ADAMTS5: variants seen among roughly 807,000 people sequenced by gnomAD.
ADAMTS5 encodes the protein ADAM metallopeptidase with thrombospondin type 1 motif 5.
A neutral mutation model predicts 81.4 loss-of-function variants in ADAMTS5; 54 were observed. The ratio of observed to expected loss-of-function variants is 0.66; its 90% CI spans 0.53 to 0.83. The LOEUF is 0.83. Among genes scored for constraint, ADAMTS5 ranks in the 40% least tolerant of loss-of-function variants. The pLI is 0.00. For synonymous variants in ADAMTS5, 532 were observed against 508.8 expected (o/e 1.05, Z -0.61); for missense variants, 1,194 against 1,229.9 (o/e 0.97, Z 0.44).
chr21:26,962,239 T>C (rs1987543602), intron 1 of ADAMTS5, among the ~76,000 whole-genome samples: 1 of 152,182 alleles, frequency 6.6e-6, no homozygotes, highest in East Asian at 1.9e-4. Flanking sequence ...AGAGTTTGTC[T>C]TTGAAGAAAT....
chr21:26,958,459 C>T (rs1281835265), intron 1 of ADAMTS5, among the ~76,000 whole-genome samples: 1 of 151,972 alleles, frequency 6.6e-6, no homozygotes, highest in Admixed American at 6.6e-5. Context: ...TCCAGCAGTC[C>T]CCAATAATAG....
rs191624953 is a variant in ADAMTS5 at position 26,944,619 on chromosome 21, C to T, written c.1238-1072G>A. Among the ~76,000 whole-genome samples, 10 of 152,152 alleles carry T rather than the reference C, an allele frequency of 6.6e-5. No individual in the cohort carries two copies. The East Asian group carries it at 1.9e-3, about 29-fold the overall frequency. Reference sequence around the variant, plus strand: ...CATCCTAGTGGTGTTTTTAACAAAGCTTTCTAGAATCATACACAAACCACT... The same window carrying T: ...CATCCTAGTGGTGTTTTTAACAAAGTTTTCTAGAATCATACACAAACCACT... On this transcript the variant is annotated intron_variant, in intron 2 of 7. Coordinates refer to ENST00000284987, the MANE Select transcript of ADAMTS5 (RefSeq NM_007038.5).
chr21:26,953,161 T>A (rs1013701148), intron 2 of ADAMTS5, among the ~76,000 whole-genome samples: 2 of 152,182 alleles, frequency 1.3e-5, no homozygotes, highest in Admixed American at 6.5e-5. Flanking sequence ...CAGCCATGCC[T>A]CCTCATTAGC....
intron 1 of ADAMTS5, among the ~76,000 whole-genome samples, chr21:26,957,255 C>A (rs1050144828): frequency 2.6e-5 from 4 of 152,110 alleles, no homozygotes; most frequent in African/African-American, 9.7e-5. Flanking sequence ...TAGGTGTAAA[C>A]CTTATTTGAA....
intron 1 of ADAMTS5, among the ~76,000 whole-genome samples, chr21:26,957,861 C>A (rs956001516): frequency 2.4e-4 from 36 of 152,112 alleles, no homozygotes; most frequent in African/African-American, 8.5e-4. Context: ...GACACTGTGA[C>A]CATTCACCAG....
intron 3 of ADAMTS5, among the ~76,000 whole-genome samples, chr21:26,937,136 T>A (rs1987029971): frequency 6.6e-6 from 1 of 152,228 alleles, no homozygotes; most frequent in Non-Finnish European, 1.5e-5. Context: ...CACCTGACTA[T>A]GCATACACAG....
rs763623130 is a variant in ADAMTS5, at chr21:26,965,722, C to T, written c.670G>A (p.Ala224Thr). ...GCGCGTCCGCTCGGGTTGCTGTGCG[C>T]CGGAGCATGCTCGTGGGCCTCCGGT... The part of the protein sequence containing the change: ...STPEAHEHAP[A>T]HSNPSGRAAL... The change falls in exon 1 of 8, where the codon GCG becomes ACG. Residue 224 changes from alanine to threonine, a missense_variant. Physicochemically the swap from Ala to Thr is moderately conservative, Grantham distance 58. Coordinates refer to ENST00000284987, the MANE Select transcript of ADAMTS5 (RefSeq NM_007038.5). 50 of 1,588,772 alleles carry T rather than the reference C, an allele frequency of 3.1e-5. No homozygotes were observed. The East Asian group carries it at 1.2e-3, about 37-fold the overall frequency.
intron 1 of ADAMTS5, among the ~76,000 whole-genome samples, chr21:26,959,299 C>T (rs1394285738): frequency 6.6e-6 from 1 of 152,184 alleles, no homozygotes; most frequent in Non-Finnish European, 1.5e-5. Context: ...TCATCATTAA[C>T]ATCAGGAGTT....
chr21:26,958,986 G>C (rs1601019785), intron 1 of ADAMTS5, among the ~76,000 whole-genome samples: 1 of 152,212 alleles, frequency 6.6e-6, no homozygotes, highest in East Asian at 1.9e-4. Flanking sequence ...ATGACAAGAA[G>C]TTTGTTTTGG....
At position 26,966,336 on chromosome 21, in the gene ADAMTS5, G is replaced by T; in HGVS notation, c.56C>A (p.Ala19Glu). The T allele has an allele frequency of 6.6e-7, 1 of 1,505,334 alleles. No individual in the cohort carries two copies. Among genetic ancestry groups the T allele is most frequent in the Non-Finnish European group, 8.8e-7 (1 of 1,135,628 alleles). 93.2% of individuals were successfully genotyped at this position (1,505,334 alleles called of 1,614,324 possible). A position where few individuals can be genotyped will look rare whatever the true frequency, so the allele number is the denominator to read the frequency against. The change falls in exon 1 of 8, where the codon GCG becomes GAG. Residue 19 changes from alanine (A) to glutamate (E), a missense_variant. Around this residue, in one of 2 missense-constraint regions of ADAMTS5, gnomAD observed 498 missense variants for 412.3 expected, o/e 1.21. Coordinates refer to ENST00000284987, the MANE Select transcript of ADAMTS5 (RefSeq NM_007038.5). ...LLCAFRLPLA[A>E]VGPAATPAQD... ...GGCAGGTGTCGCGGCGGGGCCGACC[G>T]CGGCCAGGGGCAGGCGGAACGCGCA...
chr21:26,949,536 A>G (rs1174296841), intron 2 of ADAMTS5, among the ~76,000 whole-genome samples: 1 of 152,092 alleles, frequency 6.6e-6, no homozygotes, highest in Non-Finnish European at 1.5e-5. Flanking sequence ...AACTTCCTAA[A>G]CATAAAAGAA....
chr21:26,924,673 G>GA (rs1206506961), intron 7 of ADAMTS5, 53 bp from the exon 8 acceptor site: 4 of 1,392,988 alleles, frequency 2.9e-6, no homozygotes, highest in South Asian at 1.4e-5. Context: ...AAAAAAGGGA[G>GA]AAAAAAATGA....
chr21:26,934,736 C>T lies in ADAMTS5; in HGVS notation c.1419G>A (p.Leu473=). 1 of 1,613,972 alleles carries T rather than the reference C, an allele frequency of 6.2e-7. No individual in the cohort carries two copies. Among genetic ancestry groups the T allele is most frequent in the Non-Finnish European group, 8.5e-7 (1 of 1,179,870 alleles). Residue 473 remains leucine, a synonymous_variant, in exon 4 of 8, where the codon CTG becomes CTA. Coordinates refer to ENST00000284987, the MANE Select transcript of ADAMTS5 (RefSeq NM_007038.5). ...FLDDGHGNCL[L]DLPRKQILGP... is the part of the protein sequence containing the mutation. ...CCAGGATCTGCTTTCGTGGTAGGTCCAGCAAACAGTTACCTACAAGAATAA... is the reference window on the plus strand; with the variant it reads ...CCAGGATCTGCTTTCGTGGTAGGTCTAGCAAACAGTTACCTACAAGAATAA...
intron 2 of ADAMTS5, among the ~76,000 whole-genome samples, chr21:26,953,108 G>A (rs930095565): frequency 6.6e-6 from 1 of 152,212 alleles, no homozygotes; most frequent in African/African-American, 2.4e-5. Context: ...GTGTTATAAA[G>A]ACGCTTTCAG....
intron 2 of ADAMTS5, among the ~76,000 whole-genome samples, chr21:26,951,538 G>T (rs143696586): frequency 5.6e-4 from 85 of 151,848 alleles, no homozygotes; most frequent in Middle Eastern, 3.4e-3. Flanking sequence ...AATCAGCCAG[G>T]TGTGGTGGTT....
intron 2 of ADAMTS5, among the ~76,000 whole-genome samples, chr21:26,947,886 TTAA>T (rs1297993261): frequency 6.6e-6 from 1 of 152,224 alleles, no homozygotes; most frequent in Admixed American, 6.5e-5. Flanking sequence ...TTTATTTGAA[TTAA>T]TCTAAGAAAT....
At position 26,965,475 on chromosome 21, in the gene ADAMTS5, C is replaced by G; in HGVS notation, c.917G>C (p.Ser306Thr). 6.2e-7 allele frequency: 1 copy of G among 1,614,256 alleles called. No homozygotes were observed. The highest frequency in any genetic ancestry group is 8.5e-7 in the Non-Finnish European group (1 of 1,180,044). ...GGCCAGGCGGATGTGGTTCTCGATG[C>G]TAGCATGGCTGTACAGCCTATTGGC... ...SIANRLYSHASIENHIRLAVV... is the reference protein window; with the variant it reads ...SIANRLYSHATIENHIRLAVV... Residue 306 changes from serine (S) to threonine (T), a missense_variant, in exon 1 of 8, where the codon AGC (serine) becomes ACC (threonine). By Grantham distance (58) the Ser-to-Thr change is moderately conservative. This residue lies in a region of ADAMTS5 where 696 missense variants were observed against 817.6 expected (regional missense o/e 0.85). Transcript: ENST00000284987.
At chr21:26,928,552 T>G (rs1986844761) in intron 7 of ADAMTS5, among the ~76,000 whole-genome samples, 1 of 152,196 alleles carries the variant, frequency 6.6e-6, no homozygotes. Context: ...GTATTACTTT[T>G]TAAAAGTAGT....
intron 7 of ADAMTS5, among the ~76,000 whole-genome samples, chr21:26,926,588 G>T (rs1002645782): frequency 6.6e-6 from 1 of 151,360 alleles, no homozygotes; most frequent in African/African-American, 2.4e-5. Flanking sequence ...CAGGAGAATC[G>T]CTTGAACCTG....
Sources: gnomAD v4.1 joint callset for allele counts (sites outside exome capture counted in the v4.1 genomes callset) on GRCh38, gnomAD v4.1.1 for gene constraint, gnomAD v4.1.1 regional missense constraint, MANE v1.5 for transcripts, NCBI Gene and HGNC (gene_info 2026-07-23, HGNC 2026-07-21) for gene names.